Variants in C12orf42 observed in about 807,000 individuals in gnomAD.
C12orf42 encodes the protein uncharacterized protein C12orf42.
In C12orf42, 25 loss-of-function variants were observed where a neutral mutation model predicts 21.6. That is an observed-to-expected ratio of 1.16 (90% CI 0.84 to 1.62). The LOEUF (loss-of-function observed/expected upper bound fraction) is 1.62, where lower values mean the gene tolerates loss of function less well. Ranked by LOEUF, C12orf42 falls within the 40% of genes most tolerant of loss-of-function variation. The pLI is 0.00. For synonymous variants in C12orf42, 174 were observed against 175.0 expected, an observed-to-expected ratio of 0.99 and a Z score of 0.05; for missense variants, 483 against 459.3, an observed-to-expected ratio of 1.05 and a Z score of -0.47.
At chr12:103,414,883 C>T (rs533446747) in intron 2 of C12orf42, among the ~76,000 whole-genome samples, 4 of 152,022 alleles carry the variant, frequency 2.6e-5, no homozygotes, top group Non-Finnish European at 5.9e-5. Context: ...ATTTCTTTCT[C>T]TTGCTTGATT....
At chr12:103,378,119 A>G (rs6539071) in intron 3 of C12orf42, among the ~76,000 whole-genome samples, 77,907 of 151,980 alleles carry the variant, frequency 0.51, 21,919 homozygotes, top group African/African-American at 0.74. Context: ...GCTCCTACAC[A>G]ACCACCAAAA....
intron 10 of C12orf42, among the ~76,000 whole-genome samples, chr12:103,247,768 T>C (rs1228232401): frequency 6.6e-6 from 1 of 152,032 alleles, no homozygotes; most frequent in African/African-American, 2.4e-5. Context: ...TTGTCCATAC[T>C]GGTTGGGAAT....
intron 3 of C12orf42, among the ~76,000 whole-genome samples, chr12:103,379,244 G>A (rs541450457): frequency 3.9e-5 from 6 of 152,150 alleles, no homozygotes; most frequent in African/African-American, 1.2e-4. Flanking sequence ...CTCACCTATT[G>A]TTAGCTTTCT....
intron 4 of C12orf42, among the ~76,000 whole-genome samples, chr12:103,319,249 T>C (rs561429129): frequency 6.6e-6 from 1 of 152,352 alleles, no homozygotes; most frequent in South Asian, 2.1e-4. Context: ...AGCGAAAATG[T>C]TTTCCCCTCA....
At chr12:103,111,027 A>G in the C12orf42 span, among the ~76,000 whole-genome samples, 3 of 152,178 alleles carry the variant, frequency 2.0e-5, no homozygotes, top group Non-Finnish European at 4.4e-5. Context: ...AAAACTCTAC[A>G]TGTTTTAACT....
upstream of C12orf42, among the ~76,000 whole-genome samples, chr12:103,498,043 AAAAG>A (rs979273398): frequency 6.6e-6 from 1 of 152,202 alleles, no homozygotes; most frequent in African/African-American, 2.4e-5. Context: ...TCAAAAAAAA[AAAAG>A]AAGAAAGAGA....
chr12:103,379,103 C>T (rs532803703), intron 3 of C12orf42, among the ~76,000 whole-genome samples: 23 of 152,150 alleles, frequency 1.5e-4, no homozygotes, highest in African/African-American at 4.6e-4. Flanking sequence ...TCACAATTCT[C>T]AATATCATCT....
intron 2 of C12orf42, among the ~76,000 whole-genome samples, chr12:103,421,961 T>C (rs1332534016): frequency 6.6e-6 from 1 of 152,344 alleles, no homozygotes; most frequent in East Asian, 1.9e-4. Flanking sequence ...AATTATATTA[T>C]TTGTTTCTAA....
At chr12:103,232,897 G>GT (rs1175182835), downstream of C12orf42, among the ~76,000 whole-genome samples, 1 of 152,000 alleles carries the variant, frequency 6.6e-6, no homozygotes, top group Non-Finnish European at 1.5e-5. Context: ...GAAGTTTTGA[G>GT]TTTTTTTATT....
At chr12:103,068,609 C>T in the C12orf42 span, among the ~76,000 whole-genome samples, 27 of 151,824 alleles carry the variant, frequency 1.8e-4, no homozygotes, top group African/African-American at 6.0e-4. Flanking sequence ...AAGGCAGACC[C>T]ACCCTTAATC....
At chr12:103,529,505 C>T in the C12orf42 span, among the ~76,000 whole-genome samples, 1 of 152,158 alleles carries the variant, frequency 6.6e-6, no homozygotes, top group Non-Finnish European at 1.5e-5. Context: ...GCCACATAAA[C>T]ACACCATTCT....
chr12:103,357,208 A>G (rs1053967835), intron 4 of C12orf42, among the ~76,000 whole-genome samples: 5 of 151,566 alleles, frequency 3.3e-5, no homozygotes, highest in Non-Finnish European at 5.9e-5. Context: ...ATGACGAGTT[A>G]ATGGGTGCAG....
intron 4 of C12orf42, among the ~76,000 whole-genome samples, chr12:103,346,180 G>A (rs934061049): frequency 2.0e-4 from 31 of 152,144 alleles, no homozygotes; most frequent in African/African-American, 7.5e-4. Flanking sequence ...CCACAGTTTT[G>A]ACTGTAATCA....
At chr12:103,396,319 G>C (rs988505728) in intron 3 of C12orf42, among the ~76,000 whole-genome samples, 63 of 152,196 alleles carry the variant, frequency 4.1e-4, no homozygotes, top group Admixed American at 3.1e-3. Context: ...AGAGGTACTT[G>C]CTTCTCCTTC....
intron 3 of C12orf42, among the ~76,000 whole-genome samples, chr12:103,391,729 G>A (rs558227334): frequency 1.3e-4 from 20 of 151,102 alleles, no homozygotes; most frequent in South Asian, 4.2e-4. Context: ...GTGTGTGTGT[G>A]TATATATATA....
downstream of C12orf42, among the ~76,000 whole-genome samples, chr12:103,267,312 C>T (rs1472001249): frequency 2.0e-5 from 3 of 152,062 alleles, no homozygotes; most frequent in South Asian, 2.1e-4. Context: ...AAGAGAGACC[C>T]TACATATCCG....
At position 103,302,148 on chromosome 12, in the gene C12orf42, T is replaced by C. The variant is rs1459654899; in HGVS notation, c.1043A>G (p.Gln348Arg). Residue 348 changes from glutamine (Q) to arginine (R), a missense_variant, in exon 6 of 6, where the codon CAG becomes CGG. Physicochemically the swap from Gln to Arg is conservative, Grantham distance 43 (BLOSUM62 1). Coordinates refer to ENST00000548883, the MANE Select transcript of C12orf42 (RefSeq NM_198521.5). ...ATTCACCACCGGCCTAGAAAGGGCC[T>C]GTGAACAAACCGTATGGAAACGCCG... is the stretch of plus-strand genomic sequence containing the variant. ...PTRRFHTVCS[Q>R]ALSRPVVNAH... The C allele has an allele frequency of 2.5e-6, 4 of 1,612,762 alleles. No individual in the cohort carries two copies. Among genetic ancestry groups the C allele is most frequent in the Non-Finnish European group, 3.4e-6 (4 of 1,179,436 alleles).
At chr12:103,550,982 T>C in the C12orf42 span, among the ~76,000 whole-genome samples, 3 of 152,198 alleles carry the variant, frequency 2.0e-5, no homozygotes, top group South Asian at 4.1e-4. Context: ...ATCCAATGTC[T>C]AGAATCAGTT....
At chr12:103,243,185 A>G (rs2033838077) in intron 10 of C12orf42, among the ~76,000 whole-genome samples, 1 of 151,868 alleles carries the variant, frequency 6.6e-6, no homozygotes, top group Non-Finnish European at 1.5e-5. Context: ...CACCATGCCC[A>G]GCTATTTGGT....
Sources: allele counts gnomAD v4.1 joint callset (sites outside exome capture counted in the v4.1 genomes callset), GRCh38; gene constraint gnomAD v4.1.1; transcripts MANE v1.5; gene names NCBI Gene and HGNC (gene_info 2026-07-23, HGNC 2026-07-21).